Variants in SSTR5 observed in about 807,000 individuals in gnomAD.
SSTR5 encodes somatostatin receptor type 5.
In SSTR5, 1 loss-of-function variant was observed where a neutral mutation model predicts 0.3. The ratio of observed to expected loss-of-function variants is 2.98; its 90% CI spans 1.06 to 14.15. SSTR5 has a LOEUF of 14.15. Ranked by LOEUF, SSTR5 falls within the 30% of genes most tolerant of loss-of-function variation. The pLI is 0.12. For missense variants in SSTR5, 516 were observed against 543.2 expected (o/e 0.95, Z 0.50); for synonymous variants, 256 against 263.1 (o/e 0.97, Z 0.26).
intron 1 of SSTR5, among the ~76,000 whole-genome samples, chr16:1,075,105 G>A (rs1026344940): frequency 7.2e-5 from 11 of 152,304 alleles, no homozygotes; most frequent in South Asian, 4.1e-4. Flanking sequence ...ACAATTCCCC[G>A]TGAGTGCGTA....
At chr16:1,078,740 C>T (rs866289325) in intron 1 of SSTR5, 102 bp from the exon 2 acceptor site, 12 of 1,105,838 alleles carry the variant, frequency 1.1e-5, no homozygotes, top group Middle Eastern at 2.6e-4. Flanking sequence ...CCGGTGATCC[C>T]GCGCCTCCTG....
Position 1,079,383 on chromosome 16 carries a change from T to A in SSTR5, c.515T>A (p.Leu172Gln), listed in dbSNP as rs1489675250. 2 of 1,596,144 alleles carry A rather than the reference T, an allele frequency of 1.3e-6. No homozygotes were observed. Among genetic ancestry groups the A allele is most frequent in the Admixed American group, 1.7e-5 (1 of 57,982 alleles). ...AAWVLSLCMS[L>Q]PLLVFADVQE... is the part of the protein sequence containing the mutation. Reference sequence around the variant, plus strand: ...TGGGTCCTGTCTCTGTGCATGTCGCTGCCGCTCCTGGTGTTCGCGGACGTG... The same window carrying A: ...TGGGTCCTGTCTCTGTGCATGTCGCAGCCGCTCCTGGTGTTCGCGGACGTG... Residue 172 changes from leucine to glutamine, a missense_variant, in exon 2 of 2, where the codon CTG becomes CAG. Transcript: ENST00000689027.
chr16:1,078,917 C>T lies in SSTR5; in HGVS notation c.49C>T (p.Pro17Ser), dbSNP rs553515967. The T allele has an allele frequency of 2.5e-6, 4 of 1,604,074 alleles. No individual in the cohort carries two copies. The highest frequency in any genetic ancestry group is 3.4e-6 in the Non-Finnish European group (4 of 1,177,628). Residue 17 changes from proline (P) to serine (S), a missense_variant, in exon 2 of 2, where the codon CCG (proline) becomes TCG (serine). By Grantham distance (74) the Pro-to-Ser change is moderately conservative (BLOSUM62 -1). Coordinates refer to ENST00000689027, the MANE Select transcript of SSTR5 (RefSeq NM_001172560.3). ...CACGCCCAGCTGGAACGCCTCCTCC[C>T]CGGGGGCTGCCTCTGGAGGCGGTGA... The part of the protein sequence containing the change: ...ASTPSWNASS[P>S]GAASGGGDNR...
At chr16:1,078,683 G>A in intron 1 of SSTR5, 159 bp from the exon 2 acceptor site, 1 of 711,512 alleles carries the variant, frequency 1.4e-6, no homozygotes, top group Non-Finnish European at 2.3e-6. Context: ...CAAACAATTT[G>A]CTTAACGTGA....
At position 1,080,035 on chromosome 16, in the gene SSTR5, C is replaced by T; in HGVS notation, c.*72C>T. On this transcript the variant is annotated 3_prime_UTR_variant, in exon 2 of 2. Transcript: ENST00000689027. ...AGGTTGCACTGCGGTGACCCCCACC[C>T]ATGACCTGCCAGTCAGGATGCTCCC... 2 of 1,477,548 alleles carry T rather than the reference C, an allele frequency of 1.4e-6. No homozygotes were observed. Among genetic ancestry groups the T allele is most frequent in the Non-Finnish European group, 1.8e-6 (2 of 1,111,610 alleles). 91.5% of individuals were successfully genotyped at this position (1,477,548 alleles called of 1,614,324 possible).
chr16:1,073,782 G>A (rs749215021), intron 1 of SSTR5, among the ~76,000 whole-genome samples: 9 of 152,244 alleles, frequency 5.9e-5, no homozygotes, highest in Non-Finnish European at 1.0e-4. Flanking sequence ...CCTTTCTGAA[G>A]GCAGTGATTC....
chr16:1,074,711 T>C (rs2151554179), intron 1 of SSTR5, among the ~76,000 whole-genome samples: 1 of 152,142 alleles, frequency 6.6e-6, no homozygotes, highest in Middle Eastern at 3.4e-3. Context: ...GCCATCTGGG[T>C]CCCCTGTGGC....
intron 1 of SSTR5, among the ~76,000 whole-genome samples, chr16:1,074,053 G>A (rs1268404875): frequency 6.6e-6 from 1 of 152,208 alleles, no homozygotes; most frequent in Non-Finnish European, 1.5e-5. Flanking sequence ...GCAGGGACAG[G>A]TGGCGTGTAT....
At chr16:1,073,977 G>C (rs961848258) in intron 1 of SSTR5, among the ~76,000 whole-genome samples, 11 of 152,210 alleles carry the variant, frequency 7.2e-5, no homozygotes, top group African/African-American at 2.7e-4. Flanking sequence ...GCTGCTCCAG[G>C]CTGGCCCACA....
Position 1,080,616 on chromosome 16 carries a change from G to A in SSTR5, c.*653G>A, listed in dbSNP as rs1038368029. On this transcript the variant is annotated 3_prime_UTR_variant, in exon 2 of 2. Transcript: ENST00000689027. ...ACACCCCCCATGGGAGGCTGCGGGC[G>A]GCAGTTGCTGTCTCAGAGAGGGGAG... is the stretch of plus-strand genomic sequence containing the variant. 2.6e-5 allele frequency among the ~76,000 whole-genome samples: 4 copies of A among 152,340 alleles called. No homozygotes were observed. The East Asian group carries it at 5.8e-4, about 22-fold the overall frequency.
In SSTR5 at chr16:1,080,378, G is replaced by A. The variant is rs554671653; in HGVS notation, c.*415G>A. Among the ~76,000 whole-genome samples the A allele has an allele frequency of 2.4e-3, 366 of 152,330 alleles. 1 individual carries two copies. Among genetic ancestry groups the A allele is most frequent in the African/African-American group, 8.3e-3 (344 of 41,578 alleles). On this transcript the variant is annotated 3_prime_UTR_variant, in exon 2 of 2. Coordinates refer to ENST00000689027, the MANE Select transcript of SSTR5 (RefSeq NM_001172560.3). ...GGCCCACCAGCTGCATGTCAGCTCC[G>A]AGCCACCGGGTCCCCGTCCAAGGCT...
rs974619164 is a variant in SSTR5, at chr16:1,072,762, G to C, written c.-88G>C. Among the ~76,000 whole-genome samples the C allele has an allele frequency of 7.1e-6, 1 of 141,816 alleles. No homozygotes were observed. The highest frequency in any genetic ancestry group is 1.5e-5 in the Non-Finnish European group (1 of 65,382). The allele number at this position is 141,816 out of a possible 152,430, so 93.0% of individuals were successfully genotyped here. A position where few individuals can be genotyped will look rare whatever the true frequency, so the allele number is the denominator to read the frequency against. ...GCCCCCTCCCAGCCGGCGCCCGGGA[G>C]CCCGGAGCCAGTGCCGCGCGGACAT... On this transcript the variant is annotated 5_prime_UTR_variant, in exon 1 of 2. Transcript: ENST00000689027.
Position 1,081,209 on chromosome 16 carries a change from C to G in SSTR5, c.*1246C>G, listed in dbSNP as rs1295370775. ...TGCTCTGAGGCTGGAAGGAGAAGGA[C>G]CAGGGTGCGGCATCACTCGGCCTCA... On this transcript the variant is annotated 3_prime_UTR_variant, in exon 2 of 2. Transcript: ENST00000689027. 2.2e-6 allele frequency: 1 copy of G among 453,338 alleles called. No homozygotes were observed. The highest frequency in any genetic ancestry group is 1.6e-5 in the South Asian group (1 of 63,374). 28.1% of individuals were successfully genotyped at this position (453,338 alleles called of 1,614,324 possible). A position where few individuals can be genotyped will look rare whatever the true frequency, so the allele number is the denominator to read the frequency against.
At chr16:1,078,545 C>T (rs541581363) in intron 1 of SSTR5, 15 of 440,352 alleles carry the variant, frequency 3.4e-5, no homozygotes, top group South Asian at 1.4e-4. Context: ...CAGGATGCTG[C>T]GGCCAGGCCA....
chr16:1,079,001 G>C lies in SSTR5; in HGVS notation c.133G>C (p.Val45Leu), dbSNP rs751149190. The C allele has an allele frequency of 6.3e-7, 1 of 1,597,402 alleles. No homozygotes were observed. Among genetic ancestry groups the C allele is most frequent in the South Asian group, 1.1e-5 (1 of 89,860 alleles). Residue 45 changes from valine (V) to leucine (L), a missense_variant, in exon 2 of 2, where the codon GTG (valine) becomes CTG (leucine). Coordinates refer to ENST00000689027, the MANE Select transcript of SSTR5 (RefSeq NM_001172560.3). ...SAGARAVLVP[V>L]LYLLVCAAGL... is the part of the protein sequence containing the mutation. ...AGGGGCCCGGGCGGTGCTGGTGCCCGTGCTGTACCTGCTGGTGTGTGCGGC... is the reference window on the plus strand; with the variant it reads ...AGGGGCCCGGGCGGTGCTGGTGCCCCTGCTGTACCTGCTGGTGTGTGCGGC...
Position 1,081,440 on chromosome 16 carries a change from C to A in SSTR5, c.*1477C>A, listed in dbSNP as rs529462801. Among the ~76,000 whole-genome samples the A allele has an allele frequency of 1.3e-5, 2 of 152,140 alleles. No homozygotes were observed. The highest frequency in any genetic ancestry group is 2.9e-5 in the Non-Finnish European group (2 of 68,018). On this transcript the variant is annotated 3_prime_UTR_variant, in exon 2 of 2. Coordinates refer to ENST00000689027, the MANE Select transcript of SSTR5 (RefSeq NM_001172560.3). ...TGACAACTGCTCCCCTGAATAAATG[C>A]GAGGATAAATGTTTGATTCTTTCCC... is the stretch of plus-strand genomic sequence containing the variant.
intron 1 of SSTR5, among the ~76,000 whole-genome samples, chr16:1,075,795 G>A (rs1343180736): frequency 1.3e-5 from 2 of 151,470 alleles, no homozygotes; most frequent in African/African-American, 4.9e-5. Context: ...ATGGCGTGTT[G>A]GATTTCCATG....
intron 1 of SSTR5, 198 bp from the exon 2 acceptor site, chr16:1,078,644 G>A (rs945950579): frequency 1.9e-5 from 12 of 618,128 alleles, no homozygotes; most frequent in African/African-American, 1.8e-4. Context: ...CCACCTGCCC[G>A]CCGCTCCTTC....
rs1386249719 is a variant in SSTR5, at chr16:1,080,917, G to A, written c.*954G>A. The A allele has an allele frequency of 5.0e-6, 2 of 402,098 alleles. No homozygotes were observed. The highest frequency in any genetic ancestry group is 1.8e-5 in the South Asian group (1 of 54,406). 24.9% of individuals were successfully genotyped at this position (402,098 alleles called of 1,614,324 possible). A position where few individuals can be genotyped will look rare whatever the true frequency, so the allele number is the denominator to read the frequency against. On this transcript the variant is annotated 3_prime_UTR_variant, in exon 2 of 2. Coordinates refer to ENST00000689027, the MANE Select transcript of SSTR5 (RefSeq NM_001172560.3). ...GCCGTCTCTTCTGCTTTGGGGCAGG[G>A]GCTCTGGCCCGGGAGAGGGAACGGG...
Sources: allele counts gnomAD v4.1 joint callset (sites outside exome capture counted in the v4.1 genomes callset), GRCh38; gene constraint gnomAD v4.1.1; transcripts MANE v1.5; gene names NCBI Gene and HGNC (gene_info 2026-07-23, HGNC 2026-07-21).